Variants in CSGALNACT1 observed in about 807,000 individuals in gnomAD.
CSGALNACT1 encodes the protein beta4GalNAcT-1.
A neutral mutation model predicts 51.0 loss-of-function variants in CSGALNACT1; 52 were observed. The observed-to-expected ratio is 1.02, with a 90% CI of 0.82 to 1.29. The LOEUF (loss-of-function observed/expected upper bound fraction) is 1.29, where lower values mean the gene tolerates loss of function less well. Ranked by LOEUF, CSGALNACT1 falls within the 50% of genes most tolerant of loss-of-function variation. The pLI is 0.00. For synonymous variants in CSGALNACT1, 341 were observed against 254.4 expected, an observed-to-expected ratio of 1.34 and a Z score of -3.24; for missense variants, 935 against 679.2, an observed-to-expected ratio of 1.38 and a Z score of -4.19.
chr8:19,755,551 T>G (rs1258867959), intron 1 of CSGALNACT1, among the ~76,000 whole-genome samples: 4 of 150,698 alleles, frequency 2.7e-5, no homozygotes, highest in East Asian at 2.0e-4. Flanking sequence ...AATTTCCTCC[T>G]GCTAAACATC....
chr8:19,412,726 C>G (rs1011526753), intron 8 of CSGALNACT1, among the ~76,000 whole-genome samples: 2 of 152,144 alleles, frequency 1.3e-5, no homozygotes, highest in Non-Finnish European at 2.9e-5. Flanking sequence ...CAGGGGCTCA[C>G]ATTTTCATCT....
At chr8:19,415,069 C>G (rs896344484) in intron 8 of CSGALNACT1, among the ~76,000 whole-genome samples, 1 of 152,176 alleles carries the variant, frequency 6.6e-6, no homozygotes, top group African/African-American at 2.4e-5. Flanking sequence ...TCATCTAGAT[C>G]CTAAGCAAAT....
chr8:19,493,504 A>G (rs2074822525), intron 4 of CSGALNACT1, among the ~76,000 whole-genome samples: 1 of 151,654 alleles, frequency 6.6e-6, no homozygotes, highest in South Asian at 2.1e-4. Flanking sequence ...AACTCCTCCA[A>G]CCCCCAGAAC....
intron 2 of CSGALNACT1, among the ~76,000 whole-genome samples, chr8:19,597,776 T>C (rs2049281533): frequency 6.6e-6 from 1 of 152,168 alleles, no homozygotes; most frequent in South Asian, 2.1e-4. Context: ...CTGATGAGGG[T>C]CTTCAGACAC....
chr8:19,737,985 C>T (rs576559368), intron 1 of CSGALNACT1, among the ~76,000 whole-genome samples: 3 of 152,276 alleles, frequency 2.0e-5, no homozygotes, highest in East Asian at 3.9e-4. Context: ...AGTTGCATAA[C>T]ATGAATGTAT....
At chr8:19,678,157 A>G (rs1365766562) in intron 1 of CSGALNACT1, among the ~76,000 whole-genome samples, 1 of 152,186 alleles carries the variant, frequency 6.6e-6, no homozygotes, top group Non-Finnish European at 1.5e-5. Flanking sequence ...TCATACTGCA[A>G]ATATGTTTCC....
intron 1 of CSGALNACT1, chr8:19,682,416 A>C: frequency 8.9e-6 from 3 of 337,598 alleles, no homozygotes; most frequent in South Asian, 7.1e-5. Flanking sequence ...CACTCCCCAA[A>C]CAGAAAGTTG....
chr8:19,417,449 C>A (rs539014046), intron 8 of CSGALNACT1, among the ~76,000 whole-genome samples: 2 of 152,252 alleles, frequency 1.3e-5, no homozygotes, highest in African/African-American at 4.8e-5. Flanking sequence ...CAGGATGGGG[C>A]TGGAAACAAC....
At chr8:19,550,544 C>T (rs2087747017) in intron 3 of CSGALNACT1, among the ~76,000 whole-genome samples, 1 of 152,130 alleles carries the variant, frequency 6.6e-6, no homozygotes, top group Non-Finnish European at 1.5e-5. Flanking sequence ...CCGCTTTTCC[C>T]CTTATTTCCT....
chr8:19,729,318 T>C (rs2063563781), intron 1 of CSGALNACT1, among the ~76,000 whole-genome samples: 1 of 152,176 alleles, frequency 6.6e-6, no homozygotes, highest in Non-Finnish European at 1.5e-5. Flanking sequence ...AGTGATTGCG[T>C]GTATATTTGC....
intron 4 of CSGALNACT1, among the ~76,000 whole-genome samples, chr8:19,473,412 T>A (rs1237813588): frequency 2.0e-5 from 3 of 152,150 alleles, no homozygotes; most frequent in Non-Finnish European, 4.4e-5. Context: ...AACACCTACA[T>A]CACCATCCGC....
intron 3 of CSGALNACT1, among the ~76,000 whole-genome samples, chr8:19,574,960 T>C (rs2043844133): frequency 6.6e-6 from 1 of 151,480 alleles, no homozygotes; most frequent in Admixed American, 6.6e-5. Flanking sequence ...TCTTGAACCC[T>C]GGAAGTGGAG....
rs1209195433 is a variant in CSGALNACT1, at chr8:19,639,108, C to G, written c.-543-37243G>C. On this transcript the variant is annotated intron_variant, in intron 1 of 9. Coordinates refer to the CSGALNACT1 transcript ENST00000332246. ...ATTGACAGTAAATATGAATGTTTCC[C>G]TAGCCCCTCTAAAAGTACAAAATTA... Among the ~76,000 whole-genome samples the G allele has an allele frequency of 1.1e-4, 16 of 152,124 alleles. No homozygotes were observed. In the East Asian group the frequency reaches 2.5e-3, roughly 24 times the overall value.
chr8:19,493,262 C>T (rs1020975247), intron 4 of CSGALNACT1, among the ~76,000 whole-genome samples: 1 of 152,248 alleles, frequency 6.6e-6, no homozygotes, highest in East Asian at 1.9e-4. Context: ...ATTTTTAAAG[C>T]CTTTTCATTA....
At chr8:19,604,082 G>C (rs1019524873), upstream of CSGALNACT1, among the ~76,000 whole-genome samples, 4 of 152,168 alleles carry the variant, frequency 2.6e-5, no homozygotes, top group African/African-American at 9.7e-5. Flanking sequence ...GCTCTGGAAA[G>C]TACATGTCTC....
intron 4 of CSGALNACT1, among the ~76,000 whole-genome samples, chr8:19,460,393 C>T (rs1586515891): frequency 6.6e-6 from 1 of 152,226 alleles, no homozygotes; most frequent in South Asian, 2.1e-4. Flanking sequence ...TAAACATTAT[C>T]CCAGGTATGT....
chr8:19,464,607 G>A (rs1200907275), intron 4 of CSGALNACT1, among the ~76,000 whole-genome samples: 1 of 152,126 alleles, frequency 6.6e-6, no homozygotes, highest in East Asian at 1.9e-4. Flanking sequence ...AAGGAGGGGA[G>A]CAGTGGGTGA....
At chr8:19,681,308 A>T (rs1020036996) in intron 1 of CSGALNACT1, among the ~76,000 whole-genome samples, 2 of 152,166 alleles carry the variant, frequency 1.3e-5, no homozygotes, top group African/African-American at 4.8e-5. Flanking sequence ...TATGTGTAAG[A>T]GGTTGAGGCA....
intron 1 of CSGALNACT1, among the ~76,000 whole-genome samples, chr8:19,714,767 T>C (rs1375657261): frequency 6.8e-6 from 1 of 147,832 alleles, no homozygotes; most frequent in Non-Finnish European, 1.5e-5. Context: ...TTTTTTTTTT[T>C]CTGTTTTCTA....
Sources: allele counts gnomAD v4.1 joint callset (sites outside exome capture counted in the v4.1 genomes callset), GRCh38; gene constraint gnomAD v4.1.1; transcripts MANE v1.5; gene names NCBI Gene and HGNC (gene_info 2026-07-23, HGNC 2026-07-21).